NOX4: variants seen among roughly 807,000 people sequenced by gnomAD.
NOX4 encodes kidney oxidase-1.
NOX4 carries 69 observed loss-of-function variants against 87.6 expected under a neutral mutation model. The observed-to-expected ratio is 0.79, with a 90% CI of 0.65 to 0.96. The LOEUF is 0.96. Among genes scored for constraint, NOX4 ranks in the 40% least tolerant of loss-of-function variants. The pLI is 0.00. For synonymous variants in NOX4, 275 were observed against 238.2 expected (o/e 1.15, Z -1.42); for missense variants, 680 against 681.5 (o/e 1.00, Z 0.02).
At chr11:89,397,110 C>G (rs1156766580) in intron 11 of NOX4, among the ~76,000 whole-genome samples, 1 of 152,122 alleles carries the variant, frequency 6.6e-6, no homozygotes, top group African/African-American at 2.4e-5. Flanking sequence ...GAAATCACAA[C>G]AAACTGTCTC....
At chr11:89,508,379 G>A in the NOX4 span, among the ~76,000 whole-genome samples, 1 of 152,058 alleles carries the variant, frequency 6.6e-6, no homozygotes, top group Non-Finnish European at 1.5e-5. Context: ...TTCAGAGCTT[G>A]CCAGTACACT....
chr11:89,436,962 AT>A (rs1396717063), intron 6 of NOX4, among the ~76,000 whole-genome samples: 1 of 152,138 alleles, frequency 6.6e-6, no homozygotes, highest in Non-Finnish European at 1.5e-5. Flanking sequence ...GACAATCTTA[AT>A]TTGTCAATAC....
chr11:89,470,712 C>A (rs1945894804), intron 2 of NOX4, among the ~76,000 whole-genome samples: 1 of 152,166 alleles, frequency 6.6e-6, no homozygotes, highest in Non-Finnish European at 1.5e-5. Context: ...CGTAGATGAT[C>A]TAGTCCAACC....
intron 11 of NOX4, among the ~76,000 whole-genome samples, chr11:89,386,499 C>T (rs571431340): frequency 3.3e-4 from 50 of 152,164 alleles, no homozygotes; most frequent in African/African-American, 1.1e-3. Context: ...TACTTTTATA[C>T]GCACTGTTAT....
chr11:89,535,038 C>T, the NOX4 span, among the ~76,000 whole-genome samples: 1 of 152,116 alleles, frequency 6.6e-6, no homozygotes, highest in East Asian at 1.9e-4. Context: ...TTATTCATTA[C>T]AAGAGGTTAA....
chr11:89,499,846 A>AT (rs527840567), upstream of NOX4, among the ~76,000 whole-genome samples: 1,075 of 134,834 alleles, frequency 8.0e-3, 11 homozygotes, highest in South Asian at 0.028. Context: ...TGGATATTTA[A>AT]TTTTTTAAAA....
At chr11:89,356,049 G>A (rs117908893) in intron 12 of NOX4, among the ~76,000 whole-genome samples, 3,736 of 152,064 alleles carry the variant, frequency 0.025, 95 homozygotes, top group East Asian at 0.13. Context: ...TAAAATCTCC[G>A]CAGATTGCAT....
At chr11:89,494,384 C>A (rs1052464464), upstream of NOX4, among the ~76,000 whole-genome samples, 1 of 152,148 alleles carries the variant, frequency 6.6e-6, no homozygotes, top group Non-Finnish European at 1.5e-5. Flanking sequence ...ATATGAAATG[C>A]ACTGGGGAAA....
chr11:89,478,443 A>G (rs1479591264), intron 2 of NOX4, among the ~76,000 whole-genome samples: 1 of 152,180 alleles, frequency 6.6e-6, no homozygotes, highest in South Asian at 2.1e-4. Flanking sequence ...CACAAAATCC[A>G]TGTTCTTTTC....
At chr11:89,342,831 G>T (rs1004267178) in intron 13 of NOX4, among the ~76,000 whole-genome samples, 3 of 149,514 alleles carry the variant, frequency 2.0e-5, no homozygotes. Context: ...GTGTGAGACA[G>T]AGAGAGAGAG....
intron 2 of NOX4, among the ~76,000 whole-genome samples, chr11:89,461,337 A>T (rs1036208614): frequency 3.3e-5 from 5 of 151,930 alleles, no homozygotes; most frequent in African/African-American, 1.2e-4. Flanking sequence ...ACAAAAAAAT[A>T]AATTAATTAA....
intron 11 of NOX4, among the ~76,000 whole-genome samples, chr11:89,383,281 G>T (rs1244374826): frequency 6.6e-6 from 1 of 152,194 alleles, no homozygotes; most frequent in Admixed American, 6.5e-5. Context: ...TGGCCACTGG[G>T]CCAAGGAATG....
chr11:89,403,616 C>T (rs1392476125), intron 8 of NOX4, among the ~76,000 whole-genome samples: 3 of 152,060 alleles, frequency 2.0e-5, no homozygotes, highest in African/African-American at 7.2e-5. Flanking sequence ...GTGGTGCATG[C>T]CTGTAATCCC....
At chr11:89,544,606 A>G in the NOX4 span, among the ~76,000 whole-genome samples, 5 of 152,188 alleles carry the variant, frequency 3.3e-5, no homozygotes, top group African/African-American at 1.2e-4. Flanking sequence ...TCCTGCACTG[A>G]AGCAATGTAT....
chr11:89,559,881 G>A, the NOX4 span, among the ~76,000 whole-genome samples: 3 of 152,030 alleles, frequency 2.0e-5, no homozygotes. Flanking sequence ...TTGAGAAAAA[G>A]CTTGATACGT....
chr11:89,430,976 A>G (rs1943750016), intron 7 of NOX4, among the ~76,000 whole-genome samples: 1 of 152,230 alleles, frequency 6.6e-6, no homozygotes, highest in African/African-American at 2.4e-5. Context: ...TGCAGTAACC[A>G]AAGCAGCATG....
chr11:89,408,938 T>C (rs1422571457), intron 8 of NOX4, among the ~76,000 whole-genome samples: 3 of 152,160 alleles, frequency 2.0e-5, no homozygotes, highest in Non-Finnish European at 4.4e-5. Context: ...ATGTATAGCC[T>C]AGGGTCTTAA....
the NOX4 span, among the ~76,000 whole-genome samples, chr11:89,509,279 G>A: frequency 5.3e-5 from 8 of 151,938 alleles, no homozygotes; most frequent in Non-Finnish European, 7.4e-5. Context: ...TAACCAGCAC[G>A]ATTAATTGAA....
chr11:89,359,261 T>C (rs1938327073), intron 12 of NOX4, among the ~76,000 whole-genome samples: 1 of 152,134 alleles, frequency 6.6e-6, no homozygotes, highest in African/African-American at 2.4e-5. Flanking sequence ...CTACATCTTT[T>C]TGTGACCAAG....
Sources: allele counts gnomAD v4.1 joint callset (sites outside exome capture counted in the v4.1 genomes callset), GRCh38; gene constraint gnomAD v4.1.1; transcripts MANE v1.5; gene names NCBI Gene and HGNC (gene_info 2026-07-23, HGNC 2026-07-21).